Variants in SLC30A9 observed in about 807,000 individuals in gnomAD.
SLC30A9 encodes proton-coupled zinc antiporter SLC30A9, mitochondrial.
SLC30A9 carries 58 observed loss-of-function variants against 87.5 expected under a neutral mutation model. The observed-to-expected ratio is 0.66, with a 90% CI of 0.54 to 0.82. The LOEUF is 0.82. Among genes scored for constraint, SLC30A9 ranks in the 40% least tolerant of loss-of-function variants. The probability of loss-of-function intolerance (pLI) is 0.00; values close to 1 mark genes in which losing one functional copy is unlikely to be tolerated. For synonymous variants in SLC30A9, 234 were observed against 233.0 expected, an observed-to-expected ratio of 1.00 and a Z score of -0.04; for missense variants, 557 against 679.1, an observed-to-expected ratio of 0.82 and a Z score of 2.00.
intron 6 of SLC30A9, among the ~76,000 whole-genome samples, chr4:42,032,347 T>A (rs1716483609): frequency 6.6e-6 from 1 of 152,206 alleles, no homozygotes; most frequent in African/African-American, 2.4e-5. Flanking sequence ...TTCGTTAGGA[T>A]TCCACCCCAT....
intron 1 of SLC30A9, among the ~76,000 whole-genome samples, chr4:42,000,763 TACAAAA>T (rs1274134729): frequency 6.6e-6 from 1 of 152,086 alleles, no homozygotes; most frequent in Non-Finnish European, 1.5e-5. Context: ...ATTAAGCACT[TACAAAA>T]GTTTCAACTC....
At chr4:42,060,850 C>G (rs982562417) in intron 10 of SLC30A9, among the ~76,000 whole-genome samples, 1 of 152,028 alleles carries the variant, frequency 6.6e-6, no homozygotes, top group Non-Finnish European at 1.5e-5. Flanking sequence ...TTTGATAAAT[C>G]TTAAGACCAA....
chr4:42,029,616 A>C (rs920739173), intron 6 of SLC30A9: 2 of 707,106 alleles, frequency 2.8e-6, no homozygotes, highest in African/African-American at 3.6e-5. Context: ...GTGAACCCAA[A>C]GAACGAGGAG....
intron 7 of SLC30A9, among the ~76,000 whole-genome samples, chr4:42,038,655 G>C (rs1165462875): frequency 6.6e-6 from 1 of 152,158 alleles, no homozygotes; most frequent in Non-Finnish European, 1.5e-5. Flanking sequence ...TTGGGTGTCT[G>C]ATTTCACACA....
intron 3 of SLC30A9, among the ~76,000 whole-genome samples, chr4:42,019,691 T>C (rs961746860): frequency 1.3e-5 from 2 of 152,206 alleles, no homozygotes; most frequent in Admixed American, 6.5e-5. Context: ...AAAATAATTA[T>C]ATGTAGTAGT....
chr4:42,062,207 A>AG (rs1407100437), intron 10 of SLC30A9, among the ~76,000 whole-genome samples: 3 of 152,028 alleles, frequency 2.0e-5, no homozygotes, highest in Admixed American at 2.0e-4. Flanking sequence ...AAAAAAAAAA[A>AG]GAATTCTTGT....
At chr4:42,042,790 C>T (rs1271901262) in intron 8 of SLC30A9, among the ~76,000 whole-genome samples, 1 of 152,178 alleles carries the variant, frequency 6.6e-6, no homozygotes, top group African/African-American at 2.4e-5. Context: ...GGAGATACCT[C>T]CCAGCAGGGA....
chr4:42,071,010 A>G (rs1184197958), intron 15 of SLC30A9, among the ~76,000 whole-genome samples: 1 of 152,170 alleles, frequency 6.6e-6, no homozygotes, highest in Non-Finnish European at 1.5e-5. Flanking sequence ...GAGTTGCCTT[A>G]TATTCGCATT....
chr4:42,084,037 A>G (rs1340255170), intron 17 of SLC30A9, among the ~76,000 whole-genome samples: 1 of 152,214 alleles, frequency 6.6e-6, no homozygotes, highest in Non-Finnish European at 1.5e-5. Flanking sequence ...GATGCCTTTA[A>G]TACAAGTAAT....
intron 11 of SLC30A9, 34 bp downstream of exon 11, chr4:42,063,155 C>G: frequency 6.2e-7 from 1 of 1,600,756 alleles, no homozygotes; most frequent in Non-Finnish European, 8.5e-7. Flanking sequence ...GTTTTGATGT[C>G]TTATGACATA....
chr4:42,044,730 A>G lies in SLC30A9; in HGVS notation c.738-4647A>G, dbSNP rs576087131. 3.3e-5 allele frequency among the ~76,000 whole-genome samples: 5 copies of G among 152,342 alleles called. No homozygotes were observed. In the South Asian group the frequency reaches 1.0e-3, roughly 32 times the overall value. ...ACCAAGCAGACTAATAGACATCTAC[A>G]GAACTCTCAACCCCAAGTCAACAGA... On this transcript the variant is annotated intron_variant, in intron 8 of 17. Coordinates refer to ENST00000264451, the MANE Select transcript of SLC30A9 (RefSeq NM_006345.4).
At chr4:42,067,422 T>C (rs569840016) in intron 14 of SLC30A9, among the ~76,000 whole-genome samples, 1 of 152,332 alleles carries the variant, frequency 6.6e-6, no homozygotes, top group South Asian at 2.1e-4. Flanking sequence ...TGTAAAGGAT[T>C]TCTGTAATGC....
At chr4:41,998,685 C>T (rs1001393088) in intron 1 of SLC30A9, among the ~76,000 whole-genome samples, 1 of 151,982 alleles carries the variant, frequency 6.6e-6, no homozygotes, top group Non-Finnish European at 1.5e-5. Flanking sequence ...AGGCTGATCT[C>T]GAACTCCTGA....
chr4:42,029,929 C>T, intron 6 of SLC30A9: 2 of 788,600 alleles, frequency 2.5e-6, no homozygotes, highest in Non-Finnish European at 4.4e-6. Context: ...CTTGGTTTTC[C>T]TCTGCAGAAT....
chr4:42,062,793 A>G (rs888437803), intron 10 of SLC30A9, among the ~76,000 whole-genome samples, 193 bp from the exon 11 acceptor site: 7 of 152,196 alleles, frequency 4.6e-5, no homozygotes, highest in African/African-American at 1.4e-4. Flanking sequence ...TATTCACTTT[A>G]TGTATTTTCA....
chr4:42,020,711 A>C (rs1715912702), intron 4 of SLC30A9, 196 bp downstream of exon 4: 1 of 447,218 alleles, frequency 2.2e-6, no homozygotes, highest in East Asian at 3.8e-5. Flanking sequence ...CCCCAGCATT[A>C]GCAATTCTAG....
intron 11 of SLC30A9, among the ~76,000 whole-genome samples, chr4:42,064,331 A>T (rs73235508): frequency 0.011 from 1,630 of 152,250 alleles, 11 homozygotes; most frequent in Middle Eastern, 0.017. Context: ...GAATGTGGGG[A>T]TACTTGTACC....
Position 42,086,882 on chromosome 4 carries a change from T to A in SLC30A9, c.*756T>A, listed in dbSNP as rs1012747086. ...AGTCCTAGATATTTCCATGGGCCAG[T>A]GTGATGACTTTTTTTTAAATGAGGT... On this transcript the variant is annotated 3_prime_UTR_variant, in exon 18 of 18. Transcript: ENST00000264451. 45 of 152,346 alleles carry A rather than the reference T, an allele frequency of 3.0e-4. 1 individual carries two copies. Among genetic ancestry groups the A allele is most frequent in the African/African-American group, 9.2e-4 (38 of 41,462 alleles). The allele number at this position is 152,346 out of a possible 1,614,324, so 9.4% of individuals were successfully genotyped here. A position where few individuals can be genotyped will look rare whatever the true frequency, so the allele number is the denominator to read the frequency against.
At position 42,088,885 on chromosome 4, in the gene SLC30A9, A is replaced by G. The variant is rs1347998940; in HGVS notation, c.*2759A>G. 3.3e-5 allele frequency: 5 copies of G among 152,192 alleles called. No individual in the cohort carries two copies. Among genetic ancestry groups the G allele is most frequent in the Non-Finnish European group, 5.9e-5 (4 of 68,068 alleles). 9.4% of individuals were successfully genotyped at this position (152,192 alleles called of 1,614,324 possible). A position where few individuals can be genotyped will look rare whatever the true frequency, so the allele number is the denominator to read the frequency against. The stretch of plus-strand genomic sequence containing the variant: ...TTGAGCCCCAGAGGTCGAGGCTGCA[A>G]TGAGCTATGATCATGCCACTCCAGC... On this transcript the variant is annotated 3_prime_UTR_variant, in exon 18 of 18. Transcript: ENST00000264451.
Sources: allele counts gnomAD v4.1 joint callset (sites outside exome capture counted in the v4.1 genomes callset), GRCh38; gene constraint gnomAD v4.1.1; transcripts MANE v1.5; gene names NCBI Gene and HGNC (gene_info 2026-07-23, HGNC 2026-07-21).